The following ZNF34 variants were observed in gnomAD, a reference collection of about 807,000 sequenced individuals.
ZNF34 encodes the protein zinc finger protein 34.
ZNF34 carries 8 observed loss-of-function variants against 14.4 expected under a neutral mutation model. That is an observed-to-expected ratio of 0.55 (90% CI 0.33 to 1.00). The LOEUF (loss-of-function observed/expected upper bound fraction) is 1.00, where lower values mean the gene tolerates loss of function less well. Ranked by LOEUF, ZNF34 falls within the 50% of genes least tolerant of loss-of-function variation. The pLI is 0.03. For synonymous variants in ZNF34, 235 were observed against 247.9 expected (o/e 0.95, Z 0.49); for missense variants, 538 against 674.2 (o/e 0.80, Z 2.24).
At chr8:144,778,371 C>T in intron 3 of ZNF34, 68 bp downstream of exon 3, 3 of 1,437,094 alleles carry the variant, frequency 2.1e-6, no homozygotes, top group South Asian at 1.4e-5. Flanking sequence ...ACCAGAGACA[C>T]CTGGCAGTGT....
Position 144,787,278 on chromosome 8 carries a change from C to A in ZNF34, c.-108+1G>T, listed in dbSNP as rs1826306884. 6.6e-6 allele frequency: 1 copy of A among 152,664 alleles called. No homozygotes were observed. The highest frequency in any genetic ancestry group is 1.5e-5 in the Non-Finnish European group (1 of 68,408). 9.5% of individuals were successfully genotyped at this position (152,664 alleles called of 1,614,324 possible). A position where few individuals can be genotyped will look rare whatever the true frequency, so the allele number is the denominator to read the frequency against. ...CCCGCCCCCGCCGGGCTCACACTCA[C>A]CTCAGCGCCGCCGAGCAGCACGGCA... On this transcript the variant is annotated splice_donor_variant, in intron 1 of 5. Transcript: ENST00000429371. LOFTEE classifies it low-confidence loss of function (5UTR_SPLICE).
chr8:144,772,570 C>T lies in ZNF34; in HGVS notation c.*696G>A, dbSNP rs1293138747. On this transcript the variant is annotated 3_prime_UTR_variant, in exon 6 of 6. Coordinates refer to ENST00000429371, the MANE Select transcript of ZNF34 (RefSeq NM_001286769.2). ...TCATTTATTTTTTGAGACAGCGTCT[C>T]GCTCTGTCACCCAGGCTGGAGTACA... is the stretch of plus-strand genomic sequence containing the variant. Among the ~76,000 whole-genome samples the T allele has an allele frequency of 2.0e-5, 3 of 152,202 alleles. No homozygotes were observed. Among genetic ancestry groups the T allele is most frequent in the Non-Finnish European group, 4.4e-5 (3 of 68,044 alleles).
At chr8:144,774,840 T>A (rs184335685) in intron 5 of ZNF34, among the ~76,000 whole-genome samples, 5 of 152,024 alleles carry the variant, frequency 3.3e-5, no homozygotes, top group African/African-American at 1.2e-4. Flanking sequence ...ACAACAAACC[T>A]CTCCTGGGTG....
At position 144,774,301 on chromosome 8, in the gene ZNF34, T is replaced by A. The variant is rs200342127; in HGVS notation, c.585A>T (p.Val195=). ...QRSYLNNHKR[V]HRSKKTNTVR... is the part of the protein sequence containing the mutation. ...CTGTATTTGTTTTTTTTGACCTGTGTACACGCTTATGGTTGTTGAGATATG... is the reference window on the plus strand; with the variant it reads ...CTGTATTTGTTTTTTTTGACCTGTGAACACGCTTATGGTTGTTGAGATATG... The change falls in exon 6 of 6, where the codon GTA becomes GTT. Residue 195 remains valine, a synonymous_variant. Coordinates refer to ENST00000429371, the MANE Select transcript of ZNF34 (RefSeq NM_001286769.2). 19 of 1,613,040 alleles carry A rather than the reference T, an allele frequency of 1.2e-5. No homozygotes were observed. The highest frequency in any genetic ancestry group is 1.6e-5 in the Non-Finnish European group (19 of 1,179,392).
chr8:144,774,571 A>C lies in ZNF34; in HGVS notation c.315T>G (p.Thr105=), dbSNP rs1563784983. Residue 105 remains threonine, a synonymous_variant, in exon 6 of 6, where the codon ACT becomes ACG. Transcript: ENST00000429371. ...CTTCCTCACCAAATGTCTCCTGTGAAGTCAACTCCTTGTACTCAGTTCTGG... is the reference window on the plus strand; with the variant it reads ...CTTCCTCACCAAATGTCTCCTGTGACGTCAACTCCTTGTACTCAGTTCTGG... The part of the protein sequence containing the change: ...LGTRTEYKEL[T]SQETFGEEDP... 2 of 1,613,916 alleles carry C rather than the reference A, an allele frequency of 1.2e-6. No individual in the cohort carries two copies. Among genetic ancestry groups the C allele is most frequent in the Non-Finnish European group, 1.7e-6 (2 of 1,179,858 alleles).
chr8:144,778,031 G>A lies in ZNF34; in HGVS notation c.160+7C>T. The A allele has an allele frequency of 6.2e-7, 1 of 1,613,770 alleles. No homozygotes were observed. Among genetic ancestry groups the A allele is most frequent in the African/African-American group, 1.3e-5 (1 of 75,028 alleles). On this transcript the variant is annotated splice_region_variant and intron_variant, in intron 4 of 5. Transcript: ENST00000429371. ...TTCCCAGAGCTGAGTTCTGGTGAGG[G>A]CCTTACCCAGTGAGACTAGGTTCCC...
In ZNF34 at chr8:144,773,104, C is replaced by A; in HGVS notation, c.*162G>T. On this transcript the variant is annotated 3_prime_UTR_variant, in exon 6 of 6. Coordinates refer to ENST00000429371, the MANE Select transcript of ZNF34 (RefSeq NM_001286769.2). This position sits in a 1 kb window ranked among gnomAD's most constrained non-coding sequence, Gnocchi z 5.4. ...TCTGTCTCAATTTCTCTAAAATGAA[C>A]ATGCACTGCTTTTGATTTAAGAAAA... 2.7e-6 allele frequency: 2 copies of A among 752,306 alleles called. No homozygotes were observed. Among genetic ancestry groups the A allele is most frequent in the Non-Finnish European group, 3.9e-6 (2 of 509,890 alleles). The allele number at this position is 752,306 out of a possible 1,614,324, so 46.6% of individuals were successfully genotyped here.
intron 1 of ZNF34, among the ~76,000 whole-genome samples, chr8:144,784,852 G>T (rs1200817189): frequency 1.3e-5 from 2 of 151,954 alleles, no homozygotes; most frequent in Non-Finnish European, 2.9e-5. Context: ...GCCAGGCATG[G>T]TAGCTCACAC....
intron 1 of ZNF34, among the ~76,000 whole-genome samples, chr8:144,786,103 G>T (rs1287689594): frequency 6.8e-6 from 1 of 147,492 alleles, no homozygotes; most frequent in Non-Finnish European, 1.5e-5. Flanking sequence ...TCCTGCCTCA[G>T]CCTCCCAAGT....
chr8:144,784,506 T>C (rs938213305), intron 1 of ZNF34, among the ~76,000 whole-genome samples: 1 of 137,542 alleles, frequency 7.3e-6, no homozygotes, highest in African/African-American at 2.7e-5. Context: ...ACGCCTGTAA[T>C]CCCAGCACTT....
intron 5 of ZNF34, among the ~76,000 whole-genome samples, chr8:144,775,810 G>T (rs918134761): frequency 1.3e-5 from 2 of 151,622 alleles, no homozygotes; most frequent in African/African-American, 4.8e-5. Flanking sequence ...TATTTCTATA[G>T]ATATTTACAT....
intron 1 of ZNF34, among the ~76,000 whole-genome samples, chr8:144,784,058 G>A (rs919436008): frequency 6.6e-6 from 1 of 152,018 alleles, no homozygotes; most frequent in Non-Finnish European, 1.5e-5. Flanking sequence ...TACTCGGGAG[G>A]CTGAGGCAGG....
At chr8:144,775,521 T>C (rs1042867468) in intron 5 of ZNF34, among the ~76,000 whole-genome samples, 2 of 152,102 alleles carry the variant, frequency 1.3e-5, no homozygotes, top group Non-Finnish European at 2.9e-5. Flanking sequence ...GTTCATACAA[T>C]AGAACAATGG....
chr8:144,778,662 C>G (rs1003898554), intron 2 of ZNF34, 137 bp from the exon 3 acceptor site: 2 of 552,900 alleles, frequency 3.6e-6, no homozygotes, highest in Non-Finnish European at 6.0e-6. Context: ...GTACTGCTAG[C>G]TGGCCTCCCG....
chr8:144,777,677 G>A lies in ZNF34; in HGVS notation c.161-100C>T, dbSNP rs1825607552. 3 of 1,397,044 alleles carry A rather than the reference G, an allele frequency of 2.1e-6. No homozygotes were observed. The highest frequency in any genetic ancestry group is 2.7e-5 in the South Asian group (2 of 74,474). The allele number at this position is 1,397,044 out of a possible 1,614,324, so 86.5% of individuals were successfully genotyped here. A position where few individuals can be genotyped will look rare whatever the true frequency, so the allele number is the denominator to read the frequency against. ...GCAGGGTAAGGGAGGCACAGGCAGA[G>A]GGGGTGATGGAAGCCTGGACACTCT... is the stretch of plus-strand genomic sequence containing the variant. On this transcript the variant is annotated intron_variant, in intron 4 of 5. Coordinates refer to ENST00000429371, the MANE Select transcript of ZNF34 (RefSeq NM_001286769.2). The surrounding 1 kb of genome is among the most constrained non-coding windows in gnomAD (Gnocchi z 4.8).
intron 1 of ZNF34, among the ~76,000 whole-genome samples, chr8:144,782,522 A>G (rs1041363177): frequency 6.6e-6 from 1 of 151,438 alleles, no homozygotes; most frequent in Non-Finnish European, 1.5e-5. Context: ...AAAGAAAAGA[A>G]ATCAGATACA....
chr8:144,779,015 G>A lies in ZNF34; in HGVS notation c.-54-490C>T, dbSNP rs185889701. 2.3e-3 allele frequency among the ~76,000 whole-genome samples: 345 copies of A among 152,194 alleles called. 1 individual carries two copies. The highest frequency in any genetic ancestry group is 7.9e-3 in the African/African-American group (327 of 41,532). On this transcript the variant is annotated intron_variant, in intron 2 of 5. Coordinates refer to ENST00000429371, the MANE Select transcript of ZNF34 (RefSeq NM_001286769.2). The surrounding 1 kb of genome is among the most constrained non-coding windows in gnomAD (Gnocchi z 4.1). Reference sequence around the variant, plus strand: ...TGGAACACCAAGCTCTGTGCCAAAGGGGGGAAGGCTGCCCTGCCGCTCCAT... The same window carrying A: ...TGGAACACCAAGCTCTGTGCCAAAGAGGGGAAGGCTGCCCTGCCGCTCCAT...
At chr8:144,783,709 AACAG>A (rs1434060752) in intron 1 of ZNF34, among the ~76,000 whole-genome samples, 3 of 152,376 alleles carry the variant, frequency 2.0e-5, no homozygotes, top group African/African-American at 2.4e-5. Flanking sequence ...TCTATGGAGA[AACAG>A]ACAATGTTTC....
chr8:144,779,442 T>C lies in ZNF34; in HGVS notation c.-55+786A>G, dbSNP rs1825732671. Among the ~76,000 whole-genome samples, 1 of 152,192 alleles carries C rather than the reference T, an allele frequency of 6.6e-6. No homozygotes were observed. Among genetic ancestry groups the C allele is most frequent in the South Asian group, 2.1e-4 (1 of 4,824 alleles). Reference sequence around the variant, plus strand: ...TTTGTTCGATCATCAATAAATAGTGTGGGCTCCCAGAGCTTGGTGCCTTCA... The same window carrying C: ...TTTGTTCGATCATCAATAAATAGTGCGGGCTCCCAGAGCTTGGTGCCTTCA... On this transcript the variant is annotated intron_variant, in intron 2 of 5. Coordinates refer to ENST00000429371, the MANE Select transcript of ZNF34 (RefSeq NM_001286769.2). This position sits in a 1 kb window ranked among gnomAD's most constrained non-coding sequence, Gnocchi z 4.1.
Sources: allele counts gnomAD v4.1 joint callset (sites outside exome capture counted in the v4.1 genomes callset), GRCh38; gene constraint gnomAD v4.1.1; non-coding constraint Gnocchi (gnomAD v3.1); transcripts MANE v1.5; gene names NCBI Gene and HGNC (gene_info 2026-07-23, HGNC 2026-07-21).